Variants in TAPT1 observed in about 807,000 individuals in gnomAD.
TAPT1 encodes the protein transmembrane anterior posterior transformation 1.
TAPT1 carries 28 observed loss-of-function variants against 65.6 expected under a neutral mutation model. The ratio of observed to expected loss-of-function variants is 0.43; its 90% CI spans 0.32 to 0.59. The LOEUF (loss-of-function observed/expected upper bound fraction) is 0.59, where lower values mean the gene tolerates loss of function less well. Ranked by LOEUF, TAPT1 falls within the 20% of genes least tolerant of loss-of-function variation. The probability of loss-of-function intolerance (pLI) is 0.09; values close to 1 mark genes in which losing one functional copy is unlikely to be tolerated. For synonymous variants in TAPT1, 278 were observed against 245.2 expected (o/e 1.13, Z -1.25); for missense variants, 563 against 679.9 (o/e 0.83, Z 1.91).
In TAPT1 at chr4:16,174,714, T is replaced by C; in HGVS notation, c.1123A>G (p.Arg375Gly). ...DITADVYSEY[R>G]ASLAFDLVSS... ...ACAAGGTCAAAAGCAAGACTGGCTCTATATTCACTGTAGACCTAAAAACAA... is the reference window on the plus strand; with the variant it reads ...ACAAGGTCAAAAGCAAGACTGGCTCCATATTCACTGTAGACCTAAAAACAA... Residue 375 changes from arginine to glycine, a missense_variant, in exon 10 of 14, where the codon AGA (arginine) becomes GGA (glycine). Transcript: ENST00000405303. 1 of 1,589,878 alleles carries C rather than the reference T, an allele frequency of 6.3e-7. No individual in the cohort carries two copies. Among genetic ancestry groups the C allele is most frequent in the Non-Finnish European group, 8.6e-7 (1 of 1,167,460 alleles).
At chr4:16,189,383 G>T (rs189129346) in intron 4 of TAPT1, among the ~76,000 whole-genome samples, 23 of 152,246 alleles carry the variant, frequency 1.5e-4, no homozygotes, top group Non-Finnish European at 3.2e-4. Flanking sequence ...ATGAGAATAG[G>T]CTGGTTCACC....
intron 7 of TAPT1, among the ~76,000 whole-genome samples, chr4:16,184,990 G>C (rs1009195746): frequency 1.3e-5 from 2 of 151,938 alleles, no homozygotes; most frequent in African/African-American, 4.8e-5. Flanking sequence ...TCTCTCTTTT[G>C]TTTTACATTT....
At position 16,186,618 on chromosome 4, in the gene TAPT1, CAG is replaced by C; in HGVS notation, c.847-16_847-15del. Reference sequence around the variant, plus strand: ...AATTTCAACAAACTGAAATAGTAAACAGAAATACCATCTTTATGATTATAACA... The same window carrying C: ...AATTTCAACAAACTGAAATAGTAAACAAATACCATCTTTATGATTATAACA... On this transcript the variant is annotated splice_polypyrimidine_tract_variant and intron_variant, in intron 6 of 13. Transcript: ENST00000405303. 6.7e-7 allele frequency: 1 copy of C among 1,491,490 alleles called. No individual in the cohort carries two copies. The highest frequency in any genetic ancestry group is 9.1e-7 in the Non-Finnish European group (1 of 1,093,274). The allele number at this position is 1,491,490 out of a possible 1,614,324, so 92.4% of individuals were successfully genotyped here.
At chr4:16,224,207 A>G (rs1751420645) in intron 1 of TAPT1, among the ~76,000 whole-genome samples, 1 of 152,206 alleles carries the variant, frequency 6.6e-6, no homozygotes, top group Non-Finnish European at 1.5e-5. Flanking sequence ...CCTCTGACCC[A>G]GGCCAGCTCC....
chr4:16,166,881 T>TG (rs1265720159), intron 12 of TAPT1, 88 bp from the exon 13 acceptor site: 86 of 1,300,176 alleles, frequency 6.6e-5, no homozygotes, highest in South Asian at 1.1e-4. Flanking sequence ...AAGGAGAAGG[T>TG]GGGGGGGCAT....
chr4:16,197,544 A>C (rs1227357188), intron 3 of TAPT1, among the ~76,000 whole-genome samples: 1 of 152,222 alleles, frequency 6.6e-6, no homozygotes, highest in Non-Finnish European at 1.5e-5. Context: ...AATCAAATGT[A>C]CATAATTAGC....
At chr4:16,215,284 G>A (rs1345518391) in intron 1 of TAPT1, among the ~76,000 whole-genome samples, 1 of 152,080 alleles carries the variant, frequency 6.6e-6, no homozygotes, top group Admixed American at 6.6e-5. Context: ...CAGCAGGACT[G>A]TGTCTCAAAA....
chr4:16,186,203 T>C (rs1321096183), intron 7 of TAPT1, among the ~76,000 whole-genome samples: 1 of 152,256 alleles, frequency 6.6e-6, no homozygotes, highest in Non-Finnish European at 1.5e-5. Context: ...CTAGAAGCTA[T>C]GTGACTGTGG....
upstream of TAPT1, chr4:16,226,560 G>GCCGCCGCCATCCGCGGC (rs959192212): frequency 2.7e-6 from 2 of 741,226 alleles, no homozygotes; most frequent in African/African-American, 4.2e-5. Context: ...CCGAGCCGCC[G>GCCGCCGCCATCCGCGGC]CCGCCGCCGC....
chr4:16,204,302 T>C (rs1750213927), intron 2 of TAPT1, among the ~76,000 whole-genome samples: 1 of 152,208 alleles, frequency 6.6e-6, no homozygotes, highest in African/African-American at 2.4e-5. Flanking sequence ...TCCAAAGCAC[T>C]GAAGACAGTT....
At chr4:16,216,946 C>T (rs1339156072) in intron 1 of TAPT1, among the ~76,000 whole-genome samples, 2 of 152,208 alleles carry the variant, frequency 1.3e-5, no homozygotes, top group African/African-American at 2.4e-5. Flanking sequence ...CAACTGGACA[C>T]AGGCCATCTC....
intron 12 of TAPT1, 68 bp downstream of exon 12, chr4:16,170,585 T>C: frequency 8.5e-7 from 1 of 1,172,318 alleles, no homozygotes; most frequent in South Asian, 1.3e-5. Context: ...GGGATGCTAC[T>C]AACTTCCATT....
At chr4:16,222,394 G>T (rs1273252079) in intron 1 of TAPT1, among the ~76,000 whole-genome samples, 1 of 152,108 alleles carries the variant, frequency 6.6e-6, no homozygotes, top group African/African-American at 2.4e-5. Context: ...CTTTGTATCT[G>T]GTTTGTGGTT....
intron 1 of TAPT1, among the ~76,000 whole-genome samples, chr4:16,225,213 T>C (rs1751476720): frequency 1.3e-5 from 2 of 152,386 alleles, no homozygotes; most frequent in Admixed American, 1.3e-4. Flanking sequence ...CGTCCAGTTC[T>C]GGGAATCAGC....
rs28375815 is a variant in TAPT1, at chr4:16,169,264, C to G, written c.1313+1389G>C. On this transcript the variant is annotated intron_variant, in intron 12 of 13. Coordinates refer to ENST00000405303, the MANE Select transcript of TAPT1 (RefSeq NM_153365.3). ...GTAACTCAAGATTAAAGCACATACC[C>G]CTGGATGAACTATGCACAGGCAAGT... Among the ~76,000 whole-genome samples the G allele has an allele frequency of 2.6e-5, 4 of 152,234 alleles. No homozygotes were observed. In the South Asian group the frequency reaches 8.3e-4, roughly 32 times the overall value.
At chr4:16,218,273 C>T (rs1213755675) in intron 1 of TAPT1, among the ~76,000 whole-genome samples, 1 of 152,090 alleles carries the variant, frequency 6.6e-6, no homozygotes, top group Non-Finnish European at 1.5e-5. Context: ...GGTGTGGTGG[C>T]AGGTGCCTGT....
chr4:16,167,486 T>C (rs1747718954), intron 12 of TAPT1, among the ~76,000 whole-genome samples: 1 of 152,236 alleles, frequency 6.6e-6, no homozygotes, highest in Admixed American at 6.5e-5. Flanking sequence ...TTCCGTCGCT[T>C]TCTCTGAGTA....
Position 16,188,210 on chromosome 4 carries a change from A to G in TAPT1, c.748+10T>C, listed in dbSNP as rs757995214. ...ACTGTCGGAAATTTCCAGTAGGTCT[A>G]TAAGGATACAGACATAGAGAACAGC... is the stretch of plus-strand genomic sequence containing the variant. On this transcript the variant is annotated intron_variant, in intron 5 of 13. Transcript: ENST00000405303. The G allele has an allele frequency of 1.4e-5, 23 of 1,590,474 alleles. No individual in the cohort carries two copies. The highest frequency in any genetic ancestry group is 1.7e-4 in the Middle Eastern group (1 of 5,934).
At chr4:16,209,886 G>A (rs552359195) in intron 2 of TAPT1, among the ~76,000 whole-genome samples, 13 of 152,210 alleles carry the variant, frequency 8.5e-5, no homozygotes, top group Non-Finnish European at 1.5e-4. Context: ...TACAAGAGGT[G>A]GGATGTAAGT....
Sources: gnomAD v4.1 joint callset for allele counts (sites outside exome capture counted in the v4.1 genomes callset) on GRCh38, gnomAD v4.1.1 for gene constraint, MANE v1.5 for transcripts, NCBI Gene and HGNC (gene_info 2026-07-23, HGNC 2026-07-21) for gene names.